Variants in SMCO4 observed in about 807,000 individuals in gnomAD.
SMCO4 encodes the protein single-pass membrane and coiled-coil domain-containing protein 4.
SMCO4 carries 4 observed loss-of-function variants against 3.6 expected under a neutral mutation model. The observed-to-expected ratio is 1.11, with a 90% CI of 0.54 to 2.53. SMCO4 has a LOEUF of 2.53. Among genes scored for constraint, SMCO4 ranks in the 30% most tolerant of loss-of-function variants. The pLI, the probability that SMCO4 is intolerant of heterozygous loss-of-function variation, is 0.02. For missense variants in SMCO4, 70 were observed against 80.8 expected, an observed-to-expected ratio of 0.87 and a Z score of 0.51; for synonymous variants, 36 against 35.3, an observed-to-expected ratio of 1.02 and a Z score of -0.07.
At chr11:93,512,885 T>C (rs568979995) in intron 1 of SMCO4, among the ~76,000 whole-genome samples, 1 of 152,284 alleles carries the variant, frequency 6.6e-6, no homozygotes, top group Admixed American at 6.5e-5. Context: ...GAGCAGGTCA[T>C]GAAGGGGCCT....
chr11:93,535,316 G>A (rs527266782), intron 1 of SMCO4, among the ~76,000 whole-genome samples: 5 of 152,282 alleles, frequency 3.3e-5, no homozygotes, highest in Non-Finnish European at 7.4e-5. Flanking sequence ...GCTGAGCCAT[G>A]GTCCTTGAGG....
chr11:93,531,249 A>C (rs568555690), intron 1 of SMCO4, among the ~76,000 whole-genome samples: 252 of 152,302 alleles, frequency 1.7e-3, no homozygotes, highest in Non-Finnish European at 3.2e-3. Flanking sequence ...TGTAAGCTTG[A>C]GCTGGGACAT....
At chr11:93,489,040 G>T (rs1948684116) in intron 2 of SMCO4, among the ~76,000 whole-genome samples, 1 of 152,136 alleles carries the variant, frequency 6.6e-6, no homozygotes, top group African/African-American at 2.4e-5. Flanking sequence ...GGCAAGATTG[G>T]AGTAAGTCTG....
chr11:93,526,321 A>T (rs1161049806), intron 1 of SMCO4, among the ~76,000 whole-genome samples: 2 of 151,266 alleles, frequency 1.3e-5, no homozygotes, highest in East Asian at 3.9e-4. Flanking sequence ...AAAAATTAGG[A>T]AGACAAACAA....
intron 1 of SMCO4, among the ~76,000 whole-genome samples, chr11:93,524,411 C>T (rs74780726): frequency 0.012 from 1,855 of 152,218 alleles, 30 homozygotes; most frequent in African/African-American, 0.042. Flanking sequence ...GGCATCTTCT[C>T]GGTTGTGTTT....
chr11:93,534,508 C>G (rs1246925563), intron 1 of SMCO4, among the ~76,000 whole-genome samples: 1 of 152,028 alleles, frequency 6.6e-6, no homozygotes, highest in Non-Finnish European at 1.5e-5. Flanking sequence ...TTAATCTTCA[C>G]AACAACCCTG....
chr11:93,526,960 T>C (rs570997140), intron 1 of SMCO4, among the ~76,000 whole-genome samples: 58 of 152,324 alleles, frequency 3.8e-4, no homozygotes, highest in Admixed American at 9.8e-4. Context: ...TCCACTGCAC[T>C]GCTGAGGACC....
the SMCO4 span, among the ~76,000 whole-genome samples, chr11:93,551,650 G>T: frequency 2.0e-5 from 3 of 152,204 alleles, no homozygotes; most frequent in African/African-American, 7.2e-5. Flanking sequence ...CACCTAAACT[G>T]TCAGTGCCTG....
chr11:93,508,113 T>C (rs1231177512), intron 1 of SMCO4, among the ~76,000 whole-genome samples: 2 of 152,184 alleles, frequency 1.3e-5, no homozygotes, highest in Non-Finnish European at 2.9e-5. Flanking sequence ...ATACAATCTA[T>C]ACAAACAAAA....
intron 1 of SMCO4, among the ~76,000 whole-genome samples, chr11:93,541,283 A>AGAT (rs1949269002): frequency 6.6e-6 from 1 of 152,166 alleles, no homozygotes; most frequent in Non-Finnish European, 1.5e-5. Flanking sequence ...GAGGGGACAC[A>AGAT]GATGATTGCC....
intron 1 of SMCO4, among the ~76,000 whole-genome samples, chr11:93,508,316 T>TG (rs531483562): frequency 1.9e-3 from 283 of 152,270 alleles, no homozygotes; most frequent in African/African-American, 6.4e-3. Flanking sequence ...GAAAATGGTA[T>TG]GGACAGATTT....
Position 93,519,396 on chromosome 11 carries a change from T to C in SMCO4, c.-153-20048A>G, listed in dbSNP as rs868073891. ...CAGGAATGGCTGGCAAATCAGGTAATAGGCAAGTGACTTGGCAGCATTCAC... is the reference window on the plus strand; with the variant it reads ...CAGGAATGGCTGGCAAATCAGGTAACAGGCAAGTGACTTGGCAGCATTCAC... On this transcript the variant is annotated intron_variant, in intron 1 of 2. Transcript: ENST00000298966. Among the ~76,000 whole-genome samples the C allele has an allele frequency of 1.1e-4, 17 of 152,306 alleles. No homozygotes were observed. The East Asian group carries it at 2.9e-3, about 26-fold the overall frequency.
chr11:93,525,901 T>C (rs970501415), intron 1 of SMCO4, among the ~76,000 whole-genome samples: 2 of 152,180 alleles, frequency 1.3e-5, no homozygotes, highest in African/African-American at 4.8e-5. Flanking sequence ...TCAGGATAGC[T>C]GGACAGAAAC....
chr11:93,553,677 C>A, the SMCO4 span, among the ~76,000 whole-genome samples: 1 of 152,154 alleles, frequency 6.6e-6, no homozygotes, highest in South Asian at 2.1e-4. Flanking sequence ...ACTTGATCAC[C>A]AGATACTTTA....
chr11:93,478,763 G>T lies in SMCO4; in HGVS notation c.*247C>A. The T allele has an allele frequency of 9.4e-7, 1 of 1,060,704 alleles. No individual in the cohort carries two copies. Among genetic ancestry groups the T allele is most frequent in the Non-Finnish European group, 1.2e-6 (1 of 803,842 alleles). 65.7% of individuals were successfully genotyped at this position (1,060,704 alleles called of 1,614,324 possible). A position where few individuals can be genotyped will look rare whatever the true frequency, so the allele number is the denominator to read the frequency against. The stretch of plus-strand genomic sequence containing the variant: ...CACACACACACACACATGCGCGCGC[G>T]CTTTGAAGTCTGAAAGGCACATGAA... On this transcript the variant is annotated 3_prime_UTR_variant, in exon 3 of 3. Coordinates refer to ENST00000298966, the MANE Select transcript of SMCO4 (RefSeq NM_020179.3).
rs535015101 is a variant in SMCO4, at chr11:93,478,999, G to A, written c.*11C>T. On this transcript the variant is annotated 3_prime_UTR_variant, in exon 3 of 3. Transcript: ENST00000298966. The stretch of plus-strand genomic sequence containing the variant: ...CTCCCTGCCGATGGGGTCCGCAGCC[G>A]GCTGCGGGGCTCACTCGGTGATGGT... 49 of 1,595,776 alleles carry A rather than the reference G, an allele frequency of 3.1e-5. No homozygotes were observed. Among genetic ancestry groups the A allele is most frequent in the East Asian group, 4.5e-5 (2 of 44,468 alleles).
rs188657639 is a variant in SMCO4, at chr11:93,513,869, G to A, written c.-153-14521C>T. On this transcript the variant is annotated intron_variant, in intron 1 of 2. Coordinates refer to ENST00000298966, the MANE Select transcript of SMCO4 (RefSeq NM_020179.3). ...CAAGCACAGCAGTAAGTGACTGAGG[G>A]AGGACTCTGGGATGTGGGGCTCCCG... Among the ~76,000 whole-genome samples the A allele has an allele frequency of 3.7e-4, 57 of 152,312 alleles. 1 individual carries two copies. Among genetic ancestry groups the A allele is most frequent in the African/African-American group, 1.3e-3 (55 of 41,556 alleles).
intron 2 of SMCO4, among the ~76,000 whole-genome samples, chr11:93,485,370 A>C (rs1160446706): frequency 6.6e-6 from 1 of 152,186 alleles, no homozygotes; most frequent in Non-Finnish European, 1.5e-5. Context: ...CTGCCTGTGG[A>C]TTCTCACCTC....
intron 2 of SMCO4, among the ~76,000 whole-genome samples, chr11:93,479,879 T>C (rs977185717): frequency 2.6e-5 from 4 of 152,114 alleles, no homozygotes; most frequent in African/African-American, 7.2e-5. Context: ...AAGGACTCAG[T>C]TGTGTCCCCA....
Sources: allele counts gnomAD v4.1 joint callset (sites outside exome capture counted in the v4.1 genomes callset), GRCh38; gene constraint gnomAD v4.1.1; transcripts MANE v1.5; gene names NCBI Gene and HGNC (gene_info 2026-07-23, HGNC 2026-07-21).